The following CDH13 variants were observed in gnomAD, a reference collection of about 807,000 sequenced individuals.
CDH13 encodes the protein cadherin 13, also known as cadherin-13.
In CDH13, 24 loss-of-function variants were observed where a neutral mutation model predicts 63.8. That is an observed-to-expected ratio of 0.38 (90% CI 0.27 to 0.53). The LOEUF (loss-of-function observed/expected upper bound fraction) is 0.53. CDH13 is among the 20% of genes least tolerant of loss of function. The probability of loss-of-function intolerance (pLI) is 0.85; values close to 1 mark genes in which losing one functional copy is unlikely to be tolerated. For missense variants in CDH13, 1,049 were observed against 903.1 expected, an observed-to-expected ratio of 1.16 and a Z score of -2.07; for synonymous variants, 503 against 355.3, an observed-to-expected ratio of 1.42 and a Z score of -4.67.
At chr16:82,686,795 C>A (rs960425101) in intron 1 of CDH13, among the ~76,000 whole-genome samples, 1 of 152,122 alleles carries the variant, frequency 6.6e-6, no homozygotes, top group Non-Finnish European at 1.5e-5. Context: ...GTTGAGTAAT[C>A]ATTTTGGGTA....
chr16:83,464,617 C>G (rs1040141217), intron 6 of CDH13, among the ~76,000 whole-genome samples: 8 of 152,172 alleles, frequency 5.3e-5, no homozygotes, highest in Non-Finnish European at 1.2e-4. Context: ...GCCTTGAGCT[C>G]CCAACATGCT....
chr16:83,274,584 C>T (rs2088925348), intron 5 of CDH13, among the ~76,000 whole-genome samples: 1 of 152,110 alleles, frequency 6.6e-6, no homozygotes, highest in Non-Finnish European at 1.5e-5. Context: ...CTGTCTTTCC[C>T]CCCAGAGAAA....
intron 2 of CDH13, among the ~76,000 whole-genome samples, chr16:83,000,119 G>A (rs138646368): frequency 1.3e-5 from 2 of 151,166 alleles, no homozygotes; most frequent in East Asian, 2.0e-4. Context: ...GTTGCGGAGC[G>A]TTTGGTACCT....
intron 1 of CDH13, among the ~76,000 whole-genome samples, chr16:82,654,809 C>CACGTG (rs538151472): frequency 1.1e-3 from 164 of 151,866 alleles, no homozygotes; most frequent in Non-Finnish European, 2.0e-3. Flanking sequence ...TAGTATTAAC[C>CACGTG]ACGTGAAGCA....
chr16:83,600,713 A>C (rs1474405393), intron 7 of CDH13, among the ~76,000 whole-genome samples: 1 of 152,128 alleles, frequency 6.6e-6, no homozygotes, highest in African/African-American at 2.4e-5. Flanking sequence ...AGGTAGTTCA[A>C]CTCGGACTCT....
chr16:83,281,908 G>C (rs537334906), intron 5 of CDH13, among the ~76,000 whole-genome samples: 1 of 152,076 alleles, frequency 6.6e-6, no homozygotes, highest in Non-Finnish European at 1.5e-5. Context: ...GCGGGACTCC[G>C]TTTCTAAATA....
chr16:82,666,166 G>T (rs1414913013), intron 1 of CDH13, among the ~76,000 whole-genome samples: 2 of 152,116 alleles, frequency 1.3e-5, no homozygotes. Context: ...TAGCTGCTGG[G>T]GAACCTGTTC....
intron 7 of CDH13, among the ~76,000 whole-genome samples, chr16:83,503,259 T>C (rs2074325406): frequency 6.6e-6 from 1 of 152,142 alleles, no homozygotes; most frequent in Non-Finnish European, 1.5e-5. Context: ...TCCTAAGAAA[T>C]ACAGGACAAC....
chr16:83,311,396 T>C (rs2089997314), intron 5 of CDH13, among the ~76,000 whole-genome samples: 1 of 152,256 alleles, frequency 6.6e-6, no homozygotes, highest in Admixed American at 6.5e-5. Flanking sequence ...TACACATATG[T>C]AATGTAGAGA....
chr16:82,790,912 C>T (rs568775473), intron 1 of CDH13, among the ~76,000 whole-genome samples: 1 of 152,316 alleles, frequency 6.6e-6, no homozygotes, highest in African/African-American at 2.4e-5. Context: ...GGGTGAGAGA[C>T]AGGACTAGCT....
chr16:82,920,089 G>C (rs1463001026), intron 2 of CDH13, among the ~76,000 whole-genome samples: 1 of 152,196 alleles, frequency 6.6e-6, no homozygotes, highest in Non-Finnish European at 1.5e-5. Context: ...TGAAGCAAAA[G>C]AACACTGCAT....
intron 13 of CDH13, among the ~76,000 whole-genome samples, chr16:83,788,298 G>A (rs935010407): frequency 2.6e-5 from 4 of 152,130 alleles, no homozygotes; most frequent in Admixed American, 6.5e-5. Flanking sequence ...GCACCTGCTT[G>A]TTAAAATACA....
chr16:83,322,676 C>G (rs1173149197), intron 5 of CDH13, among the ~76,000 whole-genome samples: 1 of 152,056 alleles, frequency 6.6e-6, no homozygotes, highest in Non-Finnish European at 1.5e-5. Flanking sequence ...CTGGGACTGT[C>G]AAGAAACCTG....
intron 4 of CDH13, among the ~76,000 whole-genome samples, chr16:83,198,045 A>G (rs1418043021): frequency 6.6e-6 from 1 of 152,204 alleles, no homozygotes; most frequent in Non-Finnish European, 1.5e-5. Flanking sequence ...CATTTAAAAG[A>G]CTAGAAAGGA....
intron 5 of CDH13, among the ~76,000 whole-genome samples, chr16:83,325,094 T>G (rs1278601158): frequency 1.3e-5 from 2 of 152,224 alleles, no homozygotes; most frequent in Non-Finnish European, 2.9e-5. Context: ...TCATCCGCAA[T>G]CTAAATGGGA....
intron 5 of CDH13, among the ~76,000 whole-genome samples, chr16:83,278,775 T>C (rs1259791112): frequency 1.3e-5 from 2 of 152,196 alleles, no homozygotes; most frequent in Non-Finnish European, 2.9e-5. Flanking sequence ...AGCATCTGAT[T>C]CGCATTCTGT....
chr16:83,292,364 G>A (rs964882964), intron 5 of CDH13, among the ~76,000 whole-genome samples: 6 of 152,036 alleles, frequency 3.9e-5, no homozygotes, highest in Non-Finnish European at 7.3e-5. Flanking sequence ...TCTGTCCTGT[G>A]GCCACTTTTC....
chr16:83,286,065 C>T (rs1479541727), intron 5 of CDH13, among the ~76,000 whole-genome samples: 1 of 152,116 alleles, frequency 6.6e-6, no homozygotes, highest in African/African-American at 2.4e-5. Flanking sequence ...ATGCAAGTCT[C>T]TAAATTTGTT....
At chr16:83,367,841 C>T (rs1247658185) in intron 6 of CDH13, among the ~76,000 whole-genome samples, 1 of 152,124 alleles carries the variant, frequency 6.6e-6, no homozygotes, top group Non-Finnish European at 1.5e-5. Flanking sequence ...TTTTGAAAGG[C>T]ACTGTTTTGA....
Sources: gnomAD v4.1 joint callset for allele counts (sites outside exome capture counted in the v4.1 genomes callset) on GRCh38, gnomAD v4.1.1 for gene constraint, MANE v1.5 for transcripts, NCBI Gene and HGNC (gene_info 2026-07-23, HGNC 2026-07-21) for gene names.